The following ADAMTS9 variants were observed in gnomAD, a reference collection of about 807,000 sequenced individuals.
ADAMTS9 encodes the protein ADAM metallopeptidase with thrombospondin type 1 motif 9, also known as A disintegrin and metalloproteinase with thrombospondin motifs 9.
ADAMTS9 carries 107 observed loss-of-function variants against 257.1 expected under a neutral mutation model. The observed-to-expected ratio is 0.42, with a 90% confidence interval of 0.36 to 0.49. ADAMTS9 has a LOEUF of 0.49. ADAMTS9 is among the 20% of genes least tolerant of loss of function. The pLI is 0.03. For missense variants in ADAMTS9, 2,353 were observed against 2,469.1 expected (o/e 0.95, Z 1.00); for synonymous variants, 982 against 880.9 (o/e 1.11, Z -2.03).
At chr3:64,604,866 A>C (rs2084530604) in intron 23 of ADAMTS9, among the ~76,000 whole-genome samples, 2 of 152,212 alleles carry the variant, frequency 1.3e-5, no homozygotes, top group African/African-American at 4.8e-5. Context: ...CCCCTCAATC[A>C]TGCAGACGAA....
At chr3:64,635,636 A>G (rs1479874372) in intron 12 of ADAMTS9, among the ~76,000 whole-genome samples, 1 of 152,220 alleles carries the variant, frequency 6.6e-6, no homozygotes, top group Non-Finnish European at 1.5e-5. Context: ...CGTTTAGAGA[A>G]GTACTTTGCC....
intron 8 of ADAMTS9, among the ~76,000 whole-genome samples, chr3:64,653,114 G>A (rs1700973829): frequency 6.6e-6 from 1 of 152,182 alleles, no homozygotes; most frequent in Non-Finnish European, 1.5e-5. Flanking sequence ...ATTTGGGTAA[G>A]GAATTCTACA....
chr3:64,551,108 A>G, intron 30 of ADAMTS9, 46 bp from the exon 31 acceptor site: 1 of 1,584,830 alleles, frequency 6.3e-7, no homozygotes, highest in Middle Eastern at 1.7e-4. Flanking sequence ...AGTTCCTTAT[A>G]TCCTATGACT....
At chr3:64,618,871 A>G (rs1422006102) in intron 19 of ADAMTS9, among the ~76,000 whole-genome samples, 8 of 152,142 alleles carry the variant, frequency 5.3e-5, no homozygotes, top group Admixed American at 5.2e-4. Flanking sequence ...CTTTTAATGT[A>G]TTAGCTTTAT....
intron 38 of ADAMTS9, among the ~76,000 whole-genome samples, chr3:64,530,682 C>T (rs1275165350): frequency 6.6e-6 from 1 of 152,130 alleles, no homozygotes; most frequent in Non-Finnish European, 1.5e-5. Flanking sequence ...TAGTTTCTGG[C>T]TGAAACGGTA....
intron 2 of ADAMTS9, among the ~76,000 whole-genome samples, chr3:64,683,377 C>T (rs1701807116): frequency 6.6e-6 from 1 of 152,154 alleles, no homozygotes; most frequent in South Asian, 2.1e-4. Flanking sequence ...TATAAAAGAA[C>T]CCTGAGGTTC....
Position 64,647,941 on chromosome 3 carries a change from T to C in ADAMTS9, c.1709A>G (p.Lys570Arg). ...WADGTECEPG[K>R]HCKYGFCVPK... Reference sequence around the variant, plus strand: ...AGGACAGAACAGGGCATTACTTGCCTTTCCAGGCTCGCACTCCGTCCCATC... The same window carrying C: ...AGGACAGAACAGGGCATTACTTGCCCTTCCAGGCTCGCACTCCGTCCCATC... The change falls in exon 11 of 40, where the codon AAG becomes AGG. Residue 570 changes from lysine (K) to arginine (R), a missense_variant and splice_region_variant. Around this residue, in one of 3 missense-constraint regions of ADAMTS9, gnomAD observed 360 missense variants for 458.1 expected, o/e 0.79. Transcript: ENST00000498707. 6.2e-7 allele frequency: 1 copy of C among 1,613,426 alleles called. No homozygotes were observed. Among genetic ancestry groups the C allele is most frequent in the Non-Finnish European group, 8.5e-7 (1 of 1,179,730 alleles).
rs1700647859 is a variant in ADAMTS9 at position 64,641,773 on chromosome 3, C to A, written c.1856+75G>T. On this transcript the variant is annotated intron_variant, in intron 12 of 39. Coordinates refer to ENST00000498707, the MANE Select transcript of ADAMTS9 (RefSeq NM_182920.2). ...CTCTAAGTTGGAATGTACTCTTCAC[C>A]CACCAAATTATTCCCTTTAGGAATT... is the stretch of plus-strand genomic sequence containing the variant. The A allele has an allele frequency of 2.5e-6, 4 of 1,572,732 alleles. No individual in the cohort carries two copies. In the African/African-American group the frequency reaches 5.4e-5, roughly 21 times the overall value.
chr3:64,613,983 C>T (rs1443262378), intron 21 of ADAMTS9, among the ~76,000 whole-genome samples: 3 of 151,990 alleles, frequency 2.0e-5, no homozygotes, highest in South Asian at 2.1e-4. Flanking sequence ...TTAATAAATG[C>T]CAAATGTAAT....
At chr3:64,630,905 C>T (rs944572319) in intron 16 of ADAMTS9, among the ~76,000 whole-genome samples, 1 of 152,106 alleles carries the variant, frequency 6.6e-6, no homozygotes, top group African/African-American at 2.4e-5. Flanking sequence ...TCATGCACCT[C>T]AGTTCAGTGA....
chr3:64,657,763 G>C, intron 4 of ADAMTS9, among the ~76,000 whole-genome samples: 1 of 152,042 alleles, frequency 6.6e-6, no homozygotes. Context: ...GGCAGTGCTT[G>C]TTAGAAACAT....
rs71102809 is a variant in ADAMTS9 at position 64,657,509 on chromosome 3, G to GTT, written c.969+991_969+992dup. 4.6e-3 allele frequency among the ~76,000 whole-genome samples: 671 copies of GTT among 146,892 alleles called. 4 individuals carry two copies. The Middle Eastern group carries it at 0.056, about 12-fold the overall frequency. On this transcript the variant is annotated intron_variant, in intron 4 of 39. Coordinates refer to ENST00000498707, the MANE Select transcript of ADAMTS9 (RefSeq NM_182920.2). ...ATATGCCACTACACCTGGCTAATTGGTTTTTTTTTTTAATAGAGACCAGGT... is the reference window on the plus strand; with the variant it reads ...ATATGCCACTACACCTGGCTAATTGGTTTTTTTTTTTTTAATAGAGACCAGGT...
intron 3 of ADAMTS9, among the ~76,000 whole-genome samples, chr3:64,666,732 G>T (rs1701361210): frequency 6.6e-6 from 1 of 152,170 alleles, no homozygotes; most frequent in Non-Finnish European, 1.5e-5. Context: ...ACAGAGGACA[G>T]GTCCAATACA....
chr3:64,620,453 T>C (rs980886816), intron 19 of ADAMTS9, among the ~76,000 whole-genome samples: 1 of 150,112 alleles, frequency 6.7e-6, no homozygotes, highest in Non-Finnish European at 1.5e-5. Flanking sequence ...TCACCTTAAC[T>C]GCATTTAACT....
chr3:64,580,931 T>C (rs1576069034), intron 28 of ADAMTS9, among the ~76,000 whole-genome samples: 1 of 152,196 alleles, frequency 6.6e-6, no homozygotes, highest in African/African-American at 2.4e-5. Flanking sequence ...AGAGAGGCAG[T>C]GGAAAAACAT....
chr3:64,547,103 G>A (rs2083210457), intron 31 of ADAMTS9, 151 bp from the exon 32 acceptor site: 2 of 714,006 alleles, frequency 2.8e-6, no homozygotes, highest in South Asian at 2.1e-5. Context: ...CAAGTGGCAG[G>A]CCCTGAGCGC....
chr3:64,652,319 C>T (rs1700951058), intron 8 of ADAMTS9, among the ~76,000 whole-genome samples: 1 of 152,086 alleles, frequency 6.6e-6, no homozygotes, highest in Non-Finnish European at 1.5e-5. Flanking sequence ...TAATACTTGC[C>T]AATAGAGACA....
intron 2 of ADAMTS9, among the ~76,000 whole-genome samples, chr3:64,682,584 C>T (rs967154834): frequency 1.3e-5 from 2 of 152,210 alleles, no homozygotes; most frequent in Non-Finnish European, 2.9e-5. Flanking sequence ...TTCTCCTCCG[C>T]TTTCTCATTT....
Position 64,516,983 on chromosome 3 carries a change from G to A in ADAMTS9, c.*144C>T, listed in dbSNP as rs761743075. The A allele has an allele frequency of 6.6e-6, 1 of 152,286 alleles. No homozygotes were observed. The highest frequency in any genetic ancestry group is 2.1e-4 in the South Asian group (1 of 4,810). 9.4% of individuals were successfully genotyped at this position (152,286 alleles called of 1,614,324 possible). ...TATGTATGTGTAGATATGTATATAT[G>A]TATATGTACACACATTTACACACAC... On this transcript the variant is annotated 3_prime_UTR_variant, in exon 40 of 40. Transcript: ENST00000498707.
Sources: gnomAD v4.1 joint callset for allele counts (sites outside exome capture counted in the v4.1 genomes callset) on GRCh38, gnomAD v4.1.1 for gene constraint, gnomAD v4.1.1 regional missense constraint, MANE v1.5 for transcripts, NCBI Gene and HGNC (gene_info 2026-07-23, HGNC 2026-07-21) for gene names.